GPC5: variants seen among roughly 807,000 people sequenced by gnomAD.
GPC5 encodes glypican-5.
A neutral mutation model predicts 53.9 loss-of-function variants in GPC5; 47 were observed. That is an observed-to-expected ratio of 0.87 (90% CI 0.69 to 1.11). The LOEUF (loss-of-function observed/expected upper bound fraction) is 1.11, where lower values mean the gene tolerates loss of function less well. Among genes scored for constraint, GPC5 ranks in the 50% most tolerant of loss-of-function variants. The probability of loss-of-function intolerance (pLI) is 0.00; values close to 1 mark genes in which losing one functional copy is unlikely to be tolerated. For missense variants in GPC5, 748 were observed against 713.1 expected, an observed-to-expected ratio of 1.05 and a Z score of -0.56; for synonymous variants, 286 against 263.3, an observed-to-expected ratio of 1.09 and a Z score of -0.84.
intron 6 of GPC5, among the ~76,000 whole-genome samples, chr13:92,101,020 G>T (rs1048524791): frequency 1.3e-5 from 2 of 152,030 alleles, no homozygotes; most frequent in Non-Finnish European, 2.9e-5. Flanking sequence ...ACCAAAAATG[G>T]GTGGTTGTTT....
chr13:92,422,336 G>A (rs1876603211), intron 7 of GPC5, among the ~76,000 whole-genome samples: 2 of 152,032 alleles, frequency 1.3e-5, no homozygotes, highest in South Asian at 2.1e-4. Flanking sequence ...GATGTTTTCC[G>A]AATAGTCTTC....
chr13:91,503,317 A>T (rs2139303302), intron 2 of GPC5, among the ~76,000 whole-genome samples: 1 of 152,236 alleles, frequency 6.6e-6, no homozygotes, highest in South Asian at 2.1e-4. Flanking sequence ...GGAAAGGAAG[A>T]ATCATCAATA....
At chr13:92,513,745 T>C (rs1006727610) in intron 7 of GPC5, among the ~76,000 whole-genome samples, 2 of 152,086 alleles carry the variant, frequency 1.3e-5, no homozygotes, top group Non-Finnish European at 2.9e-5. Context: ...GGGGTTCGGA[T>C]CCAAGTCTAA....
rs374476544 is a variant in GPC5, at chr13:92,362,566, CCTT to C, written c.1561+217581_1561+217583del. Among the ~76,000 whole-genome samples the C allele has an allele frequency of 5.3e-5, 8 of 151,752 alleles. No individual in the cohort carries two copies. The East Asian group carries it at 1.3e-3, about 26-fold the overall frequency. On this transcript the variant is annotated intron_variant, in intron 7 of 7. Coordinates refer to ENST00000377067, the MANE Select transcript of GPC5 (RefSeq NM_004466.6). ...TCAGTTATAAGTGAGGGTTATATAT[CCTT>C]CTTTTGTGACCACTGTCACTAAAAA... is the stretch of plus-strand genomic sequence containing the variant.
At chr13:91,672,937 A>G (rs1339940130) in intron 2 of GPC5, among the ~76,000 whole-genome samples, 2 of 152,234 alleles carry the variant, frequency 1.3e-5, no homozygotes, top group Admixed American at 1.3e-4. Flanking sequence ...TTGCAGGGAC[A>G]CGGATGAAGC....
Position 92,431,047 on chromosome 13 carries a change from T to G in GPC5, c.1561+286058T>G, listed in dbSNP as rs181116991. On this transcript the variant is annotated intron_variant, in intron 7 of 7. Coordinates refer to ENST00000377067, the MANE Select transcript of GPC5 (RefSeq NM_004466.6). ...GTCTGGTAAACACAGAATTTAGATA[T>G]CTTTTTATTCTCTTTCCCAAACCAA... Among the ~76,000 whole-genome samples, 65 of 152,304 alleles carry G rather than the reference T, an allele frequency of 4.3e-4. No homozygotes were observed. In the East Asian group the frequency reaches 5.0e-3, roughly 12 times the overall value.
At position 91,928,672 on chromosome 13, in the gene GPC5, G is replaced by A. The variant is rs931819865; in HGVS notation, c.1401+20615G>A. On this transcript the variant is annotated intron_variant, in intron 6 of 7. Transcript: ENST00000377067. Reference sequence around the variant, plus strand: ...GAAGGAAACCTCTGTAAGCAGGCACGTAGGGGACTCCAGAAATCCCTTCTT... The same window carrying A: ...GAAGGAAACCTCTGTAAGCAGGCACATAGGGGACTCCAGAAATCCCTTCTT... Among the ~76,000 whole-genome samples, 29 of 152,264 alleles carry A rather than the reference G, an allele frequency of 1.9e-4. 1 individual carries two copies. Among genetic ancestry groups the A allele is most frequent in the South Asian group, 6.2e-4 (3 of 4,826 alleles).
At chr13:91,827,204 C>T (rs1433671183) in intron 5 of GPC5, among the ~76,000 whole-genome samples, 1 of 151,710 alleles carries the variant, frequency 6.6e-6, no homozygotes, top group Admixed American at 6.6e-5. Flanking sequence ...ATATGTACAA[C>T]TATTATGTAT....
At chr13:92,405,615 A>G (rs1178106869) in intron 7 of GPC5, among the ~76,000 whole-genome samples, 1 of 152,208 alleles carries the variant, frequency 6.6e-6, no homozygotes, top group Non-Finnish European at 1.5e-5. Context: ...ATTCTTTTCA[A>G]GGCTATCTTG....
intron 7 of GPC5, among the ~76,000 whole-genome samples, chr13:92,485,833 G>A (rs1397320518): frequency 3.9e-5 from 6 of 152,172 alleles, no homozygotes; most frequent in Non-Finnish European, 8.8e-5. Flanking sequence ...AGACTTGGTG[G>A]TGGACACCTG....
chr13:91,419,712 T>C (rs951403899), intron 1 of GPC5, among the ~76,000 whole-genome samples: 1 of 152,186 alleles, frequency 6.6e-6, no homozygotes, highest in Non-Finnish European at 1.5e-5. Context: ...AAATTGTGCC[T>C]GGTAACAAGA....
At chr13:91,895,017 C>T (rs576187740) in intron 5 of GPC5, among the ~76,000 whole-genome samples, 66 of 149,364 alleles carry the variant, frequency 4.4e-4, no homozygotes, top group African/African-American at 1.3e-3. Context: ...GATGTTTTAT[C>T]GAAGCTGGCC....
Position 92,318,860 on chromosome 13 carries a change from T to TG in GPC5, c.1561+173878dup, listed in dbSNP as rs540704118. Among the ~76,000 whole-genome samples the TG allele has an allele frequency of 3.9e-5, 6 of 152,202 alleles. No individual in the cohort carries two copies. The East Asian group carries it at 9.7e-4, about 25-fold the overall frequency. Reference sequence around the variant, plus strand: ...TGAATAGAGGGTAGATGTGGATTTTTGGGGGGGCTTTTGTTTGTTTCATAA... The same window carrying TG: ...TGAATAGAGGGTAGATGTGGATTTTTGGGGGGGGCTTTTGTTTGTTTCATAA... On this transcript the variant is annotated intron_variant, in intron 7 of 7. Transcript: ENST00000377067.
At chr13:92,277,660 C>T (rs1346721004) in intron 7 of GPC5, among the ~76,000 whole-genome samples, 1 of 151,518 alleles carries the variant, frequency 6.6e-6, no homozygotes, top group Non-Finnish European at 1.5e-5. Context: ...TGCTGTTGGC[C>T]CCTGTAAAAT....
At chr13:91,477,174 T>G (rs941067484) in intron 2 of GPC5, among the ~76,000 whole-genome samples, 2 of 152,194 alleles carry the variant, frequency 1.3e-5, no homozygotes, top group African/African-American at 4.8e-5. Context: ...ATATATATCT[T>G]TTGTAATATG....
intron 7 of GPC5, among the ~76,000 whole-genome samples, chr13:92,739,188 G>T (rs1051687456): frequency 6.6e-6 from 1 of 151,890 alleles, no homozygotes; most frequent in Admixed American, 6.6e-5. Flanking sequence ...TTTTAGCAAG[G>T]TGATACACAT....
At chr13:91,542,247 C>G (rs2029987497) in intron 2 of GPC5, among the ~76,000 whole-genome samples, 1 of 151,986 alleles carries the variant, frequency 6.6e-6, no homozygotes, top group Non-Finnish European at 1.5e-5. Flanking sequence ...CACAATTTCT[C>G]TCATAATATT....
chr13:92,150,884 G>C (rs1171980217), intron 7 of GPC5, among the ~76,000 whole-genome samples: 1 of 123,152 alleles, frequency 8.1e-6, no homozygotes, highest in African/African-American at 2.7e-5. Flanking sequence ...ATGATCAATA[G>C]AGGAAGTAAA....
intron 7 of GPC5, among the ~76,000 whole-genome samples, chr13:92,773,624 A>G (rs1313204859): frequency 6.6e-6 from 1 of 152,198 alleles, no homozygotes; most frequent in Non-Finnish European, 1.5e-5. Flanking sequence ...AATGTATTAT[A>G]CCAGCTTATT....
Sources: gnomAD v4.1 joint callset for allele counts (sites outside exome capture counted in the v4.1 genomes callset) on GRCh38, gnomAD v4.1.1 for gene constraint, MANE v1.5 for transcripts, NCBI Gene and HGNC (gene_info 2026-07-23, HGNC 2026-07-21) for gene names.